Variants in GALNTL6 observed in about 807,000 individuals in gnomAD.
GALNTL6 encodes the protein polypeptide N-acetylgalactosaminyltransferase-like 6.
Under a neutral mutation model 73.7 loss-of-function variants are expected in GALNTL6, and 46 were observed. The observed-to-expected ratio is 0.62, with a 90% CI of 0.49 to 0.80. The LOEUF is 0.80. Ranked by LOEUF, GALNTL6 falls within the 30% of genes least tolerant of loss-of-function variation. The pLI, the probability that GALNTL6 is intolerant of heterozygous loss-of-function variation, is 0.00. For synonymous variants in GALNTL6, 259 were observed against 263.7 expected, an observed-to-expected ratio of 0.98 and a Z score of 0.17; for missense variants, 604 against 755.0, an observed-to-expected ratio of 0.80 and a Z score of 2.34.
At chr4:172,876,568 C>T (rs984361024) in intron 7 of GALNTL6, among the ~76,000 whole-genome samples, 10 of 152,248 alleles carry the variant, frequency 6.6e-5, no homozygotes, top group Admixed American at 1.3e-4. Context: ...TTCAAAATGA[C>T]CCCCAGCCCA....
chr4:172,211,319 G>T (rs1736315377), intron 2 of GALNTL6, among the ~76,000 whole-genome samples: 1 of 152,088 alleles, frequency 6.6e-6, no homozygotes, highest in African/African-American at 2.4e-5. Flanking sequence ...TCTCAGGAGG[G>T]TTATTTGTAT....
rs531782121 is a variant in GALNTL6 at position 172,405,095 on chromosome 4, G to A, written c.553+56406G>A. Reference sequence around the variant, plus strand: ...GGCAAATTTTTAAAAAGAACTAAAAGACATTTTTAGAGCAAAATGAAATGA... The same window carrying A: ...GGCAAATTTTTAAAAAGAACTAAAAAACATTTTTAGAGCAAAATGAAATGA... On this transcript the variant is annotated intron_variant, in intron 5 of 12. Coordinates refer to ENST00000506823, the MANE Select transcript of GALNTL6 (RefSeq NM_001034845.3). Among the ~76,000 whole-genome samples the A allele has an allele frequency of 1.8e-3, 271 of 151,956 alleles. 1 individual carries two copies. The highest frequency in any genetic ancestry group is 6.3e-3 in the African/African-American group (263 of 41,512).
At chr4:172,857,858 G>A (rs1744197224) in intron 7 of GALNTL6, among the ~76,000 whole-genome samples, 1 of 152,166 alleles carries the variant, frequency 6.6e-6, no homozygotes, top group South Asian at 2.1e-4. Context: ...TCTTTGCTGT[G>A]TTTCATTTAC....
intron 5 of GALNTL6, among the ~76,000 whole-genome samples, chr4:172,658,238 G>A (rs367845285): frequency 1.1e-4 from 16 of 147,796 alleles, no homozygotes; most frequent in African/African-American, 3.5e-4. Context: ...AGGCCGAGAC[G>A]GGTGGATCAC....
At chr4:173,000,076 A>G (rs1332598091) in intron 10 of GALNTL6, among the ~76,000 whole-genome samples, 2 of 152,164 alleles carry the variant, frequency 1.3e-5, no homozygotes, top group African/African-American at 4.8e-5. Context: ...TACTACTACT[A>G]TGAAACATTA....
intron 5 of GALNTL6, among the ~76,000 whole-genome samples, chr4:172,438,255 G>C (rs1483300209): frequency 6.6e-6 from 1 of 152,052 alleles, no homozygotes; most frequent in African/African-American, 2.4e-5. Context: ...AGATGACTAT[G>C]ACTTCCACTC....
intron 5 of GALNTL6, among the ~76,000 whole-genome samples, chr4:172,374,633 C>A (rs902788614): frequency 2.0e-5 from 3 of 152,112 alleles, no homozygotes; most frequent in Non-Finnish European, 4.4e-5. Context: ...TTTATGACTC[C>A]GGTCCCTGTG....
intron 10 of GALNTL6, among the ~76,000 whole-genome samples, chr4:172,964,863 C>T (rs1373120439): frequency 6.6e-6 from 1 of 152,216 alleles, no homozygotes; most frequent in African/African-American, 2.4e-5. Context: ...TTCTGCACAA[C>T]GAGCGAGGCT....
chr4:171,891,654 T>G (rs1736767320), intron 2 of GALNTL6, among the ~76,000 whole-genome samples: 1 of 152,176 alleles, frequency 6.6e-6, no homozygotes, highest in Non-Finnish European at 1.5e-5. Flanking sequence ...CTGTAGTGAG[T>G]ATTTTTGACA....
intron 5 of GALNTL6, among the ~76,000 whole-genome samples, chr4:172,570,311 G>T (rs558612792): frequency 7.6e-4 from 116 of 152,270 alleles, no homozygotes; most frequent in African/African-American, 2.7e-3. Flanking sequence ...CTGGTGGTTT[G>T]CAGGAAAAGG....
At position 172,535,045 on chromosome 4, in the gene GALNTL6, G is replaced by A. The variant is rs116355893; in HGVS notation, c.553+186356G>A. 1.2e-3 allele frequency among the ~76,000 whole-genome samples: 184 copies of A among 152,258 alleles called. 1 individual carries two copies. The highest frequency in any genetic ancestry group is 4.3e-3 in the African/African-American group (177 of 41,548). On this transcript the variant is annotated intron_variant, in intron 5 of 12. Transcript: ENST00000506823. The stretch of plus-strand genomic sequence containing the variant: ...GTTTTAGAAGACAAGAGCTAAACAC[G>A]ACATTCAAGGGCAATTTATATCTGA...
At chr4:172,956,356 C>T (rs372464359) in intron 10 of GALNTL6, among the ~76,000 whole-genome samples, 3 of 152,122 alleles carry the variant, frequency 2.0e-5, no homozygotes, top group African/African-American at 7.2e-5. Context: ...TGGAATAAGA[C>T]AAGGAGAAAA....
intron 2 of GALNTL6, among the ~76,000 whole-genome samples, chr4:172,034,839 A>T (rs1033750414): frequency 6.6e-6 from 1 of 152,132 alleles, no homozygotes; most frequent in African/African-American, 2.4e-5. Context: ...AGTCAAGAAC[A>T]TGCTTTCTAC....
intron 2 of GALNTL6, among the ~76,000 whole-genome samples, chr4:171,930,344 A>G (rs1738138697): frequency 6.6e-6 from 1 of 152,246 alleles, no homozygotes; most frequent in South Asian, 2.1e-4. Flanking sequence ...AACTGCAATG[A>G]AGACCATGCT....
At chr4:172,160,263 C>T (rs1261937027) in intron 2 of GALNTL6, among the ~76,000 whole-genome samples, 1 of 151,168 alleles carries the variant, frequency 6.6e-6, no homozygotes, top group African/African-American at 2.4e-5. Flanking sequence ...AAGTTATGGA[C>T]ATGGATGAAT....
chr4:173,038,534 C>A (rs1753786072), intron 12 of GALNTL6, among the ~76,000 whole-genome samples: 1 of 152,172 alleles, frequency 6.6e-6, no homozygotes, highest in South Asian at 2.1e-4. Flanking sequence ...GCAAGGAGAT[C>A]TCAGGAGCCC....
chr4:172,198,253 T>C (rs1410650579), intron 2 of GALNTL6, among the ~76,000 whole-genome samples: 1 of 151,222 alleles, frequency 6.6e-6, no homozygotes, highest in East Asian at 1.9e-4. Context: ...ACAAATGGGA[T>C]CTAATTAAAC....
At chr4:172,277,338 G>A (rs1278414122) in intron 3 of GALNTL6, among the ~76,000 whole-genome samples, 1 of 152,024 alleles carries the variant, frequency 6.6e-6, no homozygotes, top group Admixed American at 6.6e-5. Flanking sequence ...ATGGGTTGAC[G>A]CTGTTGTTAC....
chr4:172,462,879 C>T (rs1182423577), intron 5 of GALNTL6, among the ~76,000 whole-genome samples: 1 of 152,120 alleles, frequency 6.6e-6, no homozygotes, highest in Non-Finnish European at 1.5e-5. Context: ...GGTGAGGATA[C>T]TCCAAACAAG....
Sources: allele counts gnomAD v4.1 joint callset (sites outside exome capture counted in the v4.1 genomes callset), GRCh38; gene constraint gnomAD v4.1.1; transcripts MANE v1.5; gene names NCBI Gene and HGNC (gene_info 2026-07-23, HGNC 2026-07-21).